The following UNC79 variants were observed in gnomAD, a reference collection of about 807,000 sequenced individuals.
UNC79 encodes unc-79 subunit of NALCN channel complex.
In UNC79, 37 loss-of-function variants were observed where a neutral mutation model predicts 283.1. The observed-to-expected ratio is 0.13, with a 90% CI of 0.10 to 0.17. UNC79 has a LOEUF of 0.17. Among genes scored for constraint, UNC79 ranks in the 10% least tolerant of loss-of-function variants. The pLI is 1.00. For synonymous variants in UNC79, 1,107 were observed against 1,200.2 expected (o/e 0.92, Z 1.61); for missense variants, 2,272 against 3,211.1 (o/e 0.71, Z 7.07).
chr14:93,610,334 G>A (rs2066209108), intron 26 of UNC79, among the ~76,000 whole-genome samples: 1 of 152,076 alleles, frequency 6.6e-6, no homozygotes, highest in Admixed American at 6.5e-5. Flanking sequence ...TTTAACTTTG[G>A]GACTTTGGAG....
At chr14:93,625,110 T>A (rs1201438669) in intron 30 of UNC79, among the ~76,000 whole-genome samples, 2 of 152,102 alleles carry the variant, frequency 1.3e-5, no homozygotes, top group African/African-American at 4.8e-5. Context: ...ATGAGCAAAA[T>A]CCCTCACACA....
At position 93,414,543 on chromosome 14, in the gene UNC79, G is replaced by T. The variant is rs539865262; in HGVS notation, c.-350-53128G>T. On this transcript the variant is annotated intron_variant, in intron 1 of 49. Coordinates refer to the UNC79 transcript ENST00000256339. ...TTGGTGCCATATGAACTTTAAAGTGGTTTTTTTCCAATTCTGTGAAGAAAG... is the reference window on the plus strand; with the variant it reads ...TTGGTGCCATATGAACTTTAAAGTGTTTTTTTTCCAATTCTGTGAAGAAAG... 2.7e-3 allele frequency among the ~76,000 whole-genome samples: 418 copies of T among 152,220 alleles called. 1 individual carries two copies. The highest frequency in any genetic ancestry group is 9.3e-3 in the African/African-American group (385 of 41,526).
At position 93,690,489 on chromosome 14, in the gene UNC79, CCG is replaced by C. The variant is rs1343888679; in HGVS notation, c.7272+188_7272+189del. 46 of 596,966 alleles carry C rather than the reference CCG, an allele frequency of 7.7e-5. No homozygotes were observed. The South Asian group carries it at 1.4e-3, about 19-fold the overall frequency. The allele number at this position is 596,966 out of a possible 1,614,324, so 37.0% of individuals were successfully genotyped here. The stretch of plus-strand genomic sequence containing the variant: ...TTAGATTCCCAGACTGTCTTTCCCC[CCG>C]CCCCCAAATTGTTTTTCGGCTTACT... On this transcript the variant is annotated intron_variant, in intron 45 of 48. Coordinates refer to ENST00000555664, the Ensembl canonical transcript of UNC79. This position sits in a 1 kb window ranked among gnomAD's most constrained non-coding sequence, Gnocchi z 4.3.
intron 1 of UNC79, 36 bp from the exon 2 acceptor site, chr14:93,467,635 T>A: frequency 1.6e-6 from 1 of 637,308 alleles, no homozygotes; most frequent in Non-Finnish European, 1.9e-6. Flanking sequence ...TTCCTTTTTT[T>A]TTTTTTTTTT....
intron 1 of UNC79, among the ~76,000 whole-genome samples, chr14:93,440,081 G>A (rs1055278577): frequency 6.6e-6 from 1 of 151,982 alleles, no homozygotes; most frequent in African/African-American, 2.4e-5. Flanking sequence ...ATACAGTGGG[G>A]TATGACAACT....
At chr14:93,371,396 AAAAC>A (rs946426933) in intron 1 of UNC79, among the ~76,000 whole-genome samples, 10 of 152,100 alleles carry the variant, frequency 6.6e-5, no homozygotes, top group African/African-American at 2.4e-4. Context: ...CAAAAAAACA[AAAAC>A]AAAACCCAAA....
exon 25 of UNC79, chr14:93,600,735 A>T: frequency 6.2e-7 from 1 of 1,613,754 alleles, no homozygotes; most frequent in Non-Finnish European, 8.5e-7. Context: ...GCCCAGCTAC[A>T]TTTGGATTGT....
chr14:93,492,999 G>A (rs776252624), intron 5 of UNC79, among the ~76,000 whole-genome samples: 21 of 152,168 alleles, frequency 1.4e-4, no homozygotes, highest in African/African-American at 4.8e-4. Context: ...GGGTTGAGAG[G>A]CGAGAAGACA....
intron 14 of UNC79, among the ~76,000 whole-genome samples, chr14:93,559,743 C>T (rs1260090601): frequency 6.6e-6 from 1 of 152,144 alleles, no homozygotes; most frequent in African/African-American, 2.4e-5. Flanking sequence ...ACCATTTTCA[C>T]TTCTTTTGTG....
intron 7 of UNC79, among the ~76,000 whole-genome samples, chr14:93,511,062 G>A (rs1186494559): frequency 6.6e-6 from 1 of 152,198 alleles, no homozygotes; most frequent in Non-Finnish European, 1.5e-5. Context: ...AGAAGGTAAG[G>A]GGGAAGCGGG....
intron 1 of UNC79, among the ~76,000 whole-genome samples, chr14:93,341,943 G>A (rs2053722514): frequency 6.6e-6 from 1 of 152,166 alleles, no homozygotes; most frequent in Non-Finnish European, 1.5e-5. Flanking sequence ...CAGGATACAG[G>A]CCCCGTGACT....
At chr14:93,667,779 T>G (rs2072379440) in intron 40 of UNC79, among the ~76,000 whole-genome samples, 1 of 152,174 alleles carries the variant, frequency 6.6e-6, no homozygotes, top group Admixed American at 6.5e-5. Context: ...AACTTCTGAA[T>G]GAATAATAGC....
In UNC79 at chr14:93,682,606, T is replaced by A. The variant is rs1361455631; in HGVS notation, c.6742-11T>A. On this transcript the variant is annotated splice_polypyrimidine_tract_variant and intron_variant, in intron 41 of 48. Coordinates refer to ENST00000555664, the Ensembl canonical transcript of UNC79. ...CCCTTAAAAATAATTATCCTTTCAC[T>A]TTTTTATTAGTTTATTTGTGCAGAT... 1 of 1,611,680 alleles carries A rather than the reference T, an allele frequency of 6.2e-7. No individual in the cohort carries two copies. The highest frequency in any genetic ancestry group is 8.5e-7 in the Non-Finnish European group (1 of 1,178,518).
At chr14:93,354,322 A>G (rs778364827) in intron 1 of UNC79, among the ~76,000 whole-genome samples, 1 of 152,212 alleles carries the variant, frequency 6.6e-6, no homozygotes, top group African/African-American at 2.4e-5. Flanking sequence ...TGAAAATCTG[A>G]AATCCAAAAT....
intron 14 of UNC79, among the ~76,000 whole-genome samples, chr14:93,545,256 T>C (rs2061543726): frequency 6.6e-6 from 1 of 152,216 alleles, no homozygotes. Context: ...TGACCAAAAA[T>C]AATCAAAGTA....
intron 27 of UNC79, among the ~76,000 whole-genome samples, chr14:93,616,454 G>A (rs572659908): frequency 6.9e-6 from 1 of 144,496 alleles, no homozygotes; most frequent in Non-Finnish European, 1.5e-5. Flanking sequence ...CTGCAGCCTC[G>A]ACCTCCCAGG....
At chr14:93,584,593 C>A (rs1195405666) in intron 20 of UNC79, among the ~76,000 whole-genome samples, 1 of 152,212 alleles carries the variant, frequency 6.6e-6, no homozygotes, top group Non-Finnish European at 1.5e-5. Flanking sequence ...TCTTTCTATG[C>A]AAATATATTT....
intron 20 of UNC79, among the ~76,000 whole-genome samples, chr14:93,585,378 C>T (rs896735377): frequency 6.6e-6 from 1 of 152,190 alleles, no homozygotes; most frequent in African/African-American, 2.4e-5. Context: ...CAGAGACTTC[C>T]CCTCCCTTCT....
At chr14:93,555,741 A>G (rs545524946) in intron 14 of UNC79, among the ~76,000 whole-genome samples, 2 of 152,244 alleles carry the variant, frequency 1.3e-5, no homozygotes, top group East Asian at 3.9e-4. Context: ...TAAAGCATCA[A>G]TCTTTTGATT....
Sources: allele counts gnomAD v4.1 joint callset (sites outside exome capture counted in the v4.1 genomes callset), GRCh38; gene constraint gnomAD v4.1.1; non-coding constraint Gnocchi (gnomAD v3.1); transcripts MANE v1.5; gene names NCBI Gene and HGNC (gene_info 2026-07-23, HGNC 2026-07-21).